Variants in CCDC33 observed in about 807,000 individuals in gnomAD.
CCDC33 encodes coiled-coil domain containing 33, also known as coiled-coil domain-containing protein 33.
Under a neutral mutation model 91.9 loss-of-function variants are expected in CCDC33, and 94 were observed. The observed-to-expected ratio is 1.02, with a 90% CI of 0.87 to 1.21. The LOEUF (loss-of-function observed/expected upper bound fraction) is 1.21. Ranked by LOEUF, CCDC33 falls within the 50% of genes most tolerant of loss-of-function variation. The probability of loss-of-function intolerance (pLI) is 0.00; values close to 1 mark genes in which losing one functional copy is unlikely to be tolerated. For missense variants in CCDC33, 940 were observed against 935.5 expected (o/e 1.00, Z -0.06); for synonymous variants, 396 against 374.5 (o/e 1.06, Z -0.66).
intron 7 of CCDC33, among the ~76,000 whole-genome samples, chr15:74,273,844 T>TTTG (rs2076384093): frequency 6.6e-6 from 1 of 150,558 alleles, no homozygotes; most frequent in East Asian, 2.0e-4. Flanking sequence ...TTTTTTTTTT[T>TTTG]TTTGAGACAG....
chr15:74,262,428 T>C lies in CCDC33; in HGVS notation c.186-12T>C, dbSNP rs746771942. 6.2e-7 allele frequency: 1 copy of C among 1,613,674 alleles called. No individual in the cohort carries two copies. Among genetic ancestry groups the C allele is most frequent in the East Asian group, 2.2e-5 (1 of 44,880 alleles). ...CCCTCCCTTTGACTCACCCTGCCCC[T>C]GCTCTCCCCAGGAAAAGCACATCTG... On this transcript the variant is annotated splice_polypyrimidine_tract_variant and intron_variant, in intron 2 of 18. Coordinates refer to ENST00000398814, the MANE Select transcript of CCDC33 (RefSeq NM_025055.5).
intron 2 of CCDC33, among the ~76,000 whole-genome samples, chr15:74,260,939 A>G (rs2076006695): frequency 6.6e-6 from 1 of 152,192 alleles, no homozygotes; most frequent in Non-Finnish European, 1.5e-5. Context: ...CACTACACAT[A>G]TTCATTCGTT....
intron 3 of CCDC33, among the ~76,000 whole-genome samples, chr15:74,263,626 G>A (rs1316503495): frequency 6.6e-6 from 1 of 152,246 alleles, no homozygotes; most frequent in Non-Finnish European, 1.5e-5. Flanking sequence ...AGATGCAAAA[G>A]AGGAGGAAAA....
intron 16 of CCDC33, among the ~76,000 whole-genome samples, chr15:74,333,619 A>C (rs930353105): frequency 2.6e-5 from 4 of 152,186 alleles, no homozygotes; most frequent in African/African-American, 9.7e-5. Flanking sequence ...GGGCTCCCTA[A>C]TGCATTTTAC....
chr15:74,292,356 T>A (rs2142572796), intron 10 of CCDC33, among the ~76,000 whole-genome samples: 1 of 152,234 alleles, frequency 6.6e-6, no homozygotes, highest in East Asian at 1.9e-4. Context: ...TCAGGCAAGC[T>A]CCCTTCCTTG....
rs773498404 is a variant in CCDC33, at chr15:74,207,732, A to C, written n.90-1656A>C. 2.0e-6 allele frequency: 3 copies of C among 1,535,724 alleles called. No individual in the cohort carries two copies. In the South Asian group the frequency reaches 3.6e-5, roughly 18 times the overall value. On this transcript the variant is annotated intron_variant and non_coding_transcript_variant, in intron 1 of 3. Transcript: ENST00000558645. ...CAGTCCCCTTGAGAGTCCATGAATA[A>C]GCAGCCGAGAGAGTCAACCTCATGC...
intron 10 of CCDC33, among the ~76,000 whole-genome samples, chr15:74,285,658 A>T (rs189499): frequency 0.69 from 105,057 of 151,266 alleles, 38,233 homozygotes; most frequent in Non-Finnish European, 0.83. Context: ...AAGCCTGCAG[A>T]CTCAGTGAAT....
chr15:74,309,825 C>T (rs986866668), intron 11 of CCDC33, among the ~76,000 whole-genome samples: 1 of 152,166 alleles, frequency 6.6e-6, no homozygotes, highest in African/African-American at 2.4e-5. Context: ...AACAGAACAG[C>T]CTGGACTTTA....
intron 11 of CCDC33, chr15:74,318,720 T>C: frequency 1.4e-6 from 1 of 708,864 alleles, no homozygotes; most frequent in Non-Finnish European, 2.6e-6. Context: ...GCAGCAGGTG[T>C]GTTGGGGTGT....
At position 74,331,094 on chromosome 15, in the gene CCDC33, T is replaced by A. The variant is rs1351703893; in HGVS notation, c.1659T>A (p.Thr553=). Reference sequence around the variant, plus strand: ...AGAAGATGAAGGCGCTGGAGGAGACTGTGCGGCACCAAGAGAAGGCAGGTG... The same window carrying A: ...AGAAGATGAAGGCGCTGGAGGAGACAGTGCGGCACCAAGAGAAGGCAGGTG... ...KLQKMKALEE[T]VRHQEKVIEK... is the part of the protein sequence containing the mutation. Residue 553 remains threonine, a synonymous_variant, in exon 14 of 19, where the codon ACT becomes ACA. Coordinates refer to ENST00000398814, the MANE Select transcript of CCDC33 (RefSeq NM_025055.5). The A allele has an allele frequency of 2.5e-6, 4 of 1,613,290 alleles. No homozygotes were observed. The African/African-American group carries it at 4.0e-5, about 16-fold the overall frequency.
At position 74,271,918 on chromosome 15, in the gene CCDC33, C is replaced by A. The variant is rs1267638256; in HGVS notation, c.638+124C>A. ...CCGGCAACCCCTCTACCCCTAAGGC[C>A]CTTCAAGCCTCTCCATTGGGTCTGA... On this transcript the variant is annotated intron_variant, in intron 6 of 18. Coordinates refer to ENST00000398814, the MANE Select transcript of CCDC33 (RefSeq NM_025055.5). 1.3e-4 allele frequency: 90 copies of A among 719,614 alleles called. 1 individual carries two copies. Among genetic ancestry groups the A allele is most frequent in the East Asian group, 1.2e-3 (44 of 36,302 alleles). 44.6% of individuals were successfully genotyped at this position (719,614 alleles called of 1,614,324 possible).
At chr15:74,277,349 A>C (rs1420649364) in intron 7 of CCDC33, among the ~76,000 whole-genome samples, 1 of 152,184 alleles carries the variant, frequency 6.6e-6, no homozygotes, top group Non-Finnish European at 1.5e-5. Flanking sequence ...GGCGGCCACT[A>C]TGCCTGGGCA....
chr15:74,236,873 A>T (rs1012185000), intron 1 of CCDC33, 133 bp downstream of exon 1: 12 of 850,682 alleles, frequency 1.4e-5, no homozygotes, highest in Non-Finnish European at 2.2e-5. Flanking sequence ...CACAGCTGTG[A>T]AATGGGGAGT....
intron 11 of CCDC33, among the ~76,000 whole-genome samples, chr15:74,310,129 C>T (rs140152231): frequency 9.7e-4 from 147 of 151,362 alleles, no homozygotes; most frequent in African/African-American, 3.0e-3. Context: ...CACTCCAGCC[C>T]GGATGACAGA....
chr15:74,247,733 G>A (rs1027791009), intron 2 of CCDC33, among the ~76,000 whole-genome samples: 1 of 152,120 alleles, frequency 6.6e-6, no homozygotes, highest in African/African-American at 2.4e-5. Context: ...CTCAGTTTTG[G>A]GATGAGTAAT....
chr15:74,220,129 C>T (rs1387567034), intron 2 of CCDC33, among the ~76,000 whole-genome samples: 7 of 152,114 alleles, frequency 4.6e-5, no homozygotes, highest in African/African-American at 7.2e-5. Context: ...AGGGTTTGTG[C>T]GGGAGAAAGA....
chr15:74,324,981 A>C (rs1596125379), intron 11 of CCDC33, among the ~76,000 whole-genome samples: 11 of 50,392 alleles, frequency 2.2e-4, no homozygotes, highest in Admixed American at 2.4e-4. Flanking sequence ...CTCCTCCTCC[A>C]CACTACAGGC....
At chr15:74,312,079 C>T (rs2060003460) in intron 11 of CCDC33, 1 of 152,290 alleles carries the variant, frequency 6.6e-6, no homozygotes, top group Non-Finnish European at 1.5e-5. Context: ...GCCCTCTCCT[C>T]ATTGTACAGA....
At chr15:74,297,682 A>G (rs2059715193) in intron 11 of CCDC33, among the ~76,000 whole-genome samples, 1 of 152,156 alleles carries the variant, frequency 6.6e-6, no homozygotes, top group Non-Finnish European at 1.5e-5. Flanking sequence ...TGACAGAGCA[A>G]CACCCTGTCT....
Sources: allele counts gnomAD v4.1 joint callset (sites outside exome capture counted in the v4.1 genomes callset), GRCh38; gene constraint gnomAD v4.1.1; transcripts MANE v1.5; gene names NCBI Gene and HGNC (gene_info 2026-07-23, HGNC 2026-07-21).